The following CA10 variants were observed in gnomAD, a reference collection of about 807,000 sequenced individuals.
The protein encoded by CA10 is carbonic anhydrase-related protein 10.
In CA10, 14 loss-of-function variants were observed where a neutral mutation model predicts 44.2. That is an observed-to-expected ratio of 0.32 (90% CI 0.21 to 0.50). The LOEUF is 0.50. Among genes scored for constraint, CA10 ranks in the 20% least tolerant of loss-of-function variants. The probability of loss-of-function intolerance (pLI) is 0.99; values close to 1 mark genes in which losing one functional copy is unlikely to be tolerated. For synonymous variants in CA10, 159 were observed against 141.6 expected, an observed-to-expected ratio of 1.12 and a Z score of -0.87; for missense variants, 350 against 409.7, an observed-to-expected ratio of 0.85 and a Z score of 1.26.
At chr17:51,913,983 C>T (rs1598114764) in intron 3 of CA10, among the ~76,000 whole-genome samples, 1 of 152,090 alleles carries the variant, frequency 6.6e-6, no homozygotes, top group African/African-American at 2.4e-5. Flanking sequence ...GTCAGCTTTG[C>T]CCCTGTTAAA....
At chr17:51,939,171 G>T (rs1207437054) in intron 2 of CA10, among the ~76,000 whole-genome samples, 1 of 151,952 alleles carries the variant, frequency 6.6e-6, no homozygotes, top group Admixed American at 6.6e-5. Context: ...TTCTAAAAAA[G>T]AAGTATTTTT....
intron 3 of CA10, among the ~76,000 whole-genome samples, chr17:51,757,133 A>C (rs1164742293): frequency 2.0e-5 from 3 of 152,194 alleles, no homozygotes; most frequent in Non-Finnish European, 4.4e-5. Context: ...TTGCAATGTA[A>C]TTAGTGAGTC....
intron 3 of CA10, among the ~76,000 whole-genome samples, chr17:51,917,810 T>A (rs1220793640): frequency 6.6e-6 from 1 of 152,140 alleles, no homozygotes. Context: ...GGATTATAAT[T>A]CAACATGAGA....
intron 3 of CA10, among the ~76,000 whole-genome samples, chr17:51,836,037 G>A (rs574520422): frequency 7.2e-5 from 11 of 152,122 alleles, no homozygotes; most frequent in Non-Finnish European, 1.6e-4. Flanking sequence ...GGAGAGGAAA[G>A]AGAAGGAGGA....
chr17:51,921,081 T>G (rs1982212759), intron 3 of CA10, among the ~76,000 whole-genome samples: 1 of 152,180 alleles, frequency 6.6e-6, no homozygotes, highest in African/African-American at 2.4e-5. Flanking sequence ...TAAAGGGTGT[T>G]TTCCTTTAGG....
chr17:51,795,680 C>G (rs945007135), intron 3 of CA10, among the ~76,000 whole-genome samples: 6 of 152,160 alleles, frequency 3.9e-5, no homozygotes, highest in Admixed American at 2.6e-4. Context: ...GACCCAAGTG[C>G]CTTTACTAAA....
intron 5 of CA10, among the ~76,000 whole-genome samples, 171 bp downstream of exon 5, chr17:51,653,470 C>T (rs970181674): frequency 6.6e-6 from 1 of 150,628 alleles, no homozygotes; most frequent in East Asian, 1.9e-4. Flanking sequence ...CATCTCACTG[C>T]AGGGGGCCTC....
chr17:51,868,207 G>A lies in CA10; in HGVS notation c.279+62783C>T, dbSNP rs577116424. On this transcript the variant is annotated intron_variant, in intron 3 of 8. Transcript: ENST00000451037. ...TTAATCCCCACAGATGGTGAACCAC[G>A]GTAATCTCTGCTACCAGCTGCAGAG... Among the ~76,000 whole-genome samples, 11 of 151,966 alleles carry A rather than the reference G, an allele frequency of 7.2e-5. No individual in the cohort carries two copies. In the South Asian group the frequency reaches 1.0e-3, roughly 14 times the overall value.
chr17:51,813,199 C>T (rs1907438322), intron 3 of CA10, among the ~76,000 whole-genome samples: 1 of 152,218 alleles, frequency 6.6e-6, no homozygotes, highest in Admixed American at 6.5e-5. Flanking sequence ...GTGATGGTAT[C>T]TGGCACATTA....
chr17:51,679,691 A>G (rs1162395456), intron 4 of CA10, among the ~76,000 whole-genome samples: 2 of 151,698 alleles, frequency 1.3e-5, no homozygotes, highest in Non-Finnish European at 2.9e-5. Context: ...TCCCAAATGG[A>G]GACTCCGTAT....
At chr17:52,143,466 T>C (rs1989522957) in intron 1 of CA10, among the ~76,000 whole-genome samples, 1 of 152,228 alleles carries the variant, frequency 6.6e-6, no homozygotes, top group Non-Finnish European at 1.5e-5. Flanking sequence ...AATTGGATTA[T>C]GTTAGTGTTA....
intron 3 of CA10, among the ~76,000 whole-genome samples, chr17:51,858,870 G>A (rs1161128941): frequency 2.0e-5 from 3 of 152,028 alleles, no homozygotes; most frequent in Admixed American, 2.0e-4. Context: ...GAGTCAGAGG[G>A]ACTAAGCTTG....
chr17:51,925,171 C>CA (rs1330221984), intron 3 of CA10, among the ~76,000 whole-genome samples: 10 of 152,106 alleles, frequency 6.6e-5, no homozygotes, highest in Admixed American at 5.2e-4. Context: ...ATTGCAGGTG[C>CA]AAGCCACTGC....
intron 3 of CA10, among the ~76,000 whole-genome samples, chr17:51,868,980 TTAAGC>T (rs1979683236): frequency 6.6e-6 from 1 of 152,018 alleles, no homozygotes; most frequent in Non-Finnish European, 1.5e-5. Flanking sequence ...CTAATTTAAG[TTAAGC>T]TAATTACTTT....
chr17:51,752,745 A>G (rs1295738409), intron 3 of CA10, among the ~76,000 whole-genome samples: 2 of 152,138 alleles, frequency 1.3e-5, no homozygotes, highest in Non-Finnish European at 2.9e-5. Flanking sequence ...CCTGGCCAAC[A>G]TGGCGAAACC....
intron 1 of CA10, among the ~76,000 whole-genome samples, chr17:52,097,610 C>G (rs576992857): frequency 6.6e-6 from 1 of 152,144 alleles, no homozygotes; most frequent in African/African-American, 2.4e-5. Context: ...CATATCACTG[C>G]CTTACATATC....
intron 3 of CA10, among the ~76,000 whole-genome samples, chr17:51,907,806 T>C (rs1981622387): frequency 6.6e-6 from 1 of 152,164 alleles, no homozygotes; most frequent in Non-Finnish European, 1.5e-5. Context: ...CATTCCTTCT[T>C]TCTTCCTTTT....
intron 3 of CA10, among the ~76,000 whole-genome samples, chr17:51,887,090 C>T (rs567259098): frequency 6.6e-6 from 1 of 152,002 alleles, no homozygotes; most frequent in South Asian, 2.1e-4. Flanking sequence ...AAACCAATTC[C>T]TATAATAAAC....
chr17:51,932,881 T>A (rs1982719460), intron 2 of CA10, among the ~76,000 whole-genome samples: 1 of 136,162 alleles, frequency 7.3e-6, no homozygotes, highest in South Asian at 2.6e-4. Flanking sequence ...ATTATAAATA[T>A]AAACTTGTCT....
Sources: gnomAD v4.1 joint callset for allele counts (sites outside exome capture counted in the v4.1 genomes callset) on GRCh38, gnomAD v4.1.1 for gene constraint, MANE v1.5 for transcripts, NCBI Gene and HGNC (gene_info 2026-07-23, HGNC 2026-07-21) for gene names.